The following PHC3 variants were observed in gnomAD, a reference collection of about 807,000 sequenced individuals.
The protein encoded by PHC3 is polyhomeotic homolog 3, also known as polyhomeotic-like protein 3.
In PHC3, 13 loss-of-function variants were observed where a neutral mutation model predicts 107.4. That is an observed-to-expected ratio of 0.12 (90% CI 0.08 to 0.19). The LOEUF (loss-of-function observed/expected upper bound fraction) is 0.19, where lower values mean the gene tolerates loss of function less well. PHC3 is among the 10% of genes least tolerant of loss of function. The probability of loss-of-function intolerance (pLI) is 1.00; values close to 1 mark genes in which losing one functional copy is unlikely to be tolerated. For synonymous variants in PHC3, 456 were observed against 427.4 expected, an observed-to-expected ratio of 1.07 and a Z score of -0.83; for missense variants, 992 against 1,210.9, an observed-to-expected ratio of 0.82 and a Z score of 2.68.
At chr3:170,118,887 C>T (rs1282679812) in intron 9 of PHC3, among the ~76,000 whole-genome samples, 2 of 151,758 alleles carry the variant, frequency 1.3e-5, no homozygotes, top group Non-Finnish European at 2.9e-5. Flanking sequence ...CCTGCCTCAC[C>T]TCTCAAAGTG....
chr3:170,120,979 G>A (rs1456520148), intron 9 of PHC3, among the ~76,000 whole-genome samples: 2 of 152,194 alleles, frequency 1.3e-5, no homozygotes, highest in Non-Finnish European at 2.9e-5. Flanking sequence ...TGGCTGTAGA[G>A]TTTCTATGGC....
At position 170,090,348 on chromosome 3, in the gene PHC3, G is replaced by C. The variant is rs915604879; in HGVS notation, c.*6882C>G. ...TTTATTTAAGCCACAATGAATTTTG[G>C]GGGGAAGATTTTACTTACTACTAGT... On this transcript the variant is annotated 3_prime_UTR_variant, in exon 15 of 15. Coordinates refer to ENST00000495893, the MANE Select transcript of PHC3 (RefSeq NM_024947.4). 2.6e-5 allele frequency: 4 copies of C among 152,050 alleles called. No homozygotes were observed. Among genetic ancestry groups the C allele is most frequent in the African/African-American group, 9.7e-5 (4 of 41,394 alleles). The allele number at this position is 152,050 out of a possible 1,614,324, so 9.4% of individuals were successfully genotyped here.
intron 4 of PHC3, among the ~76,000 whole-genome samples, chr3:170,152,927 G>A (rs1023930854): frequency 6.6e-6 from 1 of 152,122 alleles, no homozygotes; most frequent in Non-Finnish European, 1.5e-5. Context: ...CTCCCAAAGT[G>A]CTGGGATTAC....
intron 1 of PHC3, among the ~76,000 whole-genome samples, chr3:170,181,327 C>G (rs987114219): frequency 2.0e-5 from 3 of 152,136 alleles, no homozygotes. Flanking sequence ...TCCGCGGGCC[C>G]CTGCGCAGGC....
intron 8 of PHC3, among the ~76,000 whole-genome samples, chr3:170,127,211 G>A (rs116817785): frequency 4.5e-4 from 69 of 152,104 alleles, no homozygotes; most frequent in African/African-American, 9.9e-4. Context: ...ACAAAGTCTC[G>A]CTCAGTTGCC....
chr3:170,117,071 G>A, intron 10 of PHC3, 155 bp downstream of exon 10: 6 of 951,204 alleles, frequency 6.3e-6, no homozygotes, highest in Non-Finnish European at 9.1e-6. Context: ...ATAAACATTT[G>A]GAAATAAAGG....
intron 9 of PHC3, among the ~76,000 whole-genome samples, chr3:170,118,080 T>C (rs548858064): frequency 6.6e-6 from 1 of 152,240 alleles, no homozygotes; most frequent in Non-Finnish European, 1.5e-5. Context: ...ACAAATAATT[T>C]ATACTAAAAT....
At chr3:170,159,672 A>G (rs78310919) in intron 4 of PHC3, among the ~76,000 whole-genome samples, 1,854 of 152,302 alleles carry the variant, frequency 0.012, 40 homozygotes, top group African/African-American at 0.042. Context: ...GTTTCACACT[A>G]AGAGGGCCCA....
At chr3:170,180,443 C>A (rs756751800) in intron 1 of PHC3, among the ~76,000 whole-genome samples, 2 of 151,644 alleles carry the variant, frequency 1.3e-5, no homozygotes, top group African/African-American at 2.4e-5. Flanking sequence ...GAGTGAGAGA[C>A]GCTGTCACAA....
chr3:170,128,516 ATT>A (rs878885056), intron 8 of PHC3, 166 bp downstream of exon 8: 4,307 of 894,446 alleles, frequency 4.8e-3, no homozygotes, highest in South Asian at 6.6e-3. Context: ...AAACAATGGC[ATT>A]TTTTTTTTTT....
rs1316547091 is a variant in PHC3, at chr3:170,091,825, T to C, written c.*5405A>G. On this transcript the variant is annotated 3_prime_UTR_variant, in exon 15 of 15. Coordinates refer to ENST00000495893, the MANE Select transcript of PHC3 (RefSeq NM_024947.4). ...TACAATTTTAAAACGGATTAGGTTC[T>C]AAAAACTAATATGTAAAACTTTGAA... 1 of 152,186 alleles carries C rather than the reference T, an allele frequency of 6.6e-6. No homozygotes were observed. The highest frequency in any genetic ancestry group is 1.5e-5 in the Non-Finnish European group (1 of 68,012). The allele number at this position is 152,186 out of a possible 1,614,324, so 9.4% of individuals were successfully genotyped here.
intron 9 of PHC3, among the ~76,000 whole-genome samples, chr3:170,120,713 T>A (rs1720102195): frequency 6.6e-6 from 1 of 151,872 alleles, no homozygotes; most frequent in Admixed American, 6.6e-5. Flanking sequence ...ACAATAGTAG[T>A]GAGGGAATAG....
chr3:170,135,561 C>T (rs1722943452), intron 7 of PHC3, among the ~76,000 whole-genome samples: 1 of 151,504 alleles, frequency 6.6e-6, no homozygotes, highest in African/African-American at 2.4e-5. Flanking sequence ...GAAAACTATG[C>T]AGCTACATTA....
chr3:170,133,843 G>C (rs1320610723), intron 7 of PHC3, among the ~76,000 whole-genome samples: 1 of 152,144 alleles, frequency 6.6e-6, no homozygotes, highest in East Asian at 1.9e-4. Flanking sequence ...TGAGAGTTAA[G>C]GGGGACTGAA....
intron 11 of PHC3, among the ~76,000 whole-genome samples, chr3:170,109,213 C>A (rs1454845695): frequency 6.6e-6 from 1 of 152,176 alleles, no homozygotes; most frequent in Non-Finnish European, 1.5e-5. Flanking sequence ...AGCATCCACT[C>A]TTTGCTTTTC....
rs992394994 is a variant in PHC3, at chr3:170,092,313, T to C, written c.*4917A>G. 1 of 152,132 alleles carries C rather than the reference T, an allele frequency of 6.6e-6. No homozygotes were observed. Among genetic ancestry groups the C allele is most frequent in the Admixed American group, 6.6e-5 (1 of 15,246 alleles). The allele number at this position is 152,132 out of a possible 1,614,324, so 9.4% of individuals were successfully genotyped here. On this transcript the variant is annotated 3_prime_UTR_variant, in exon 15 of 15. Coordinates refer to ENST00000495893, the MANE Select transcript of PHC3 (RefSeq NM_024947.4). ...CCATGCCCAGCCCCAAATAATTTCT[T>C]TTAAGATATACAGCTTAACAAGTTG...
At chr3:170,130,041 T>C (rs756875851) in intron 7 of PHC3, among the ~76,000 whole-genome samples, 21 of 152,198 alleles carry the variant, frequency 1.4e-4, no homozygotes, top group Admixed American at 6.5e-4. Context: ...CTAGAAAATA[T>C]CATAAAATAC....
chr3:170,128,358 G>A (rs1354787146), intron 8 of PHC3: 2 of 1,300,758 alleles, frequency 1.5e-6, no homozygotes, highest in Non-Finnish European at 2.0e-6. Context: ...AAAAAACTTT[G>A]TGCAGATGAC....
intron 2 of PHC3, chr3:170,176,873 T>C (rs186317091): frequency 3.8e-5 from 17 of 452,600 alleles, no homozygotes; most frequent in Admixed American, 3.0e-4. Context: ...ACCCTCATTT[T>C]AGTTTTCTGA....
Sources: allele counts gnomAD v4.1 joint callset (sites outside exome capture counted in the v4.1 genomes callset), GRCh38; gene constraint gnomAD v4.1.1; transcripts MANE v1.5; gene names NCBI Gene and HGNC (gene_info 2026-07-23, HGNC 2026-07-21).